Variants in NRG3 observed in about 807,000 individuals in gnomAD.
The protein encoded by NRG3 is neuregulin 3.
A neutral mutation model predicts 66.9 loss-of-function variants in NRG3; 31 were observed. The observed-to-expected ratio is 0.46, with a 90% CI of 0.35 to 0.63. The LOEUF (loss-of-function observed/expected upper bound fraction) is 0.63, where lower values mean the gene tolerates loss of function less well. Among genes scored for constraint, NRG3 ranks in the 20% least tolerant of loss-of-function variants. The probability of loss-of-function intolerance (pLI) is 0.00; values close to 1 mark genes in which losing one functional copy is unlikely to be tolerated. For missense variants in NRG3, 910 were observed against 878.9 expected, an observed-to-expected ratio of 1.04 and a Z score of -0.45; for synonymous variants, 393 against 359.4, an observed-to-expected ratio of 1.09 and a Z score of -1.06.
intron 1 of NRG3, among the ~76,000 whole-genome samples, chr10:82,080,491 C>A (rs557380832): frequency 6.6e-6 from 1 of 152,206 alleles, no homozygotes; most frequent in African/African-American, 2.4e-5. Flanking sequence ...TGTGGCAGAG[C>A]CAAGACCCTT....
chr10:82,237,649 A>C (rs1304635002), intron 1 of NRG3, among the ~76,000 whole-genome samples: 2 of 152,108 alleles, frequency 1.3e-5, no homozygotes. Flanking sequence ...CAATGATTTT[A>C]GGCAAATTTA....
chr10:82,087,701 A>T (rs2065807106), intron 1 of NRG3, among the ~76,000 whole-genome samples: 2 of 152,164 alleles, frequency 1.3e-5, no homozygotes, highest in African/African-American at 2.4e-5. Context: ...TTCACCAGGG[A>T]AATTATGAAA....
At chr10:81,915,341 C>G (rs895746395) in intron 1 of NRG3, among the ~76,000 whole-genome samples, 1 of 152,042 alleles carries the variant, frequency 6.6e-6, no homozygotes, top group Non-Finnish European at 1.5e-5. Context: ...GGTCAGCTGC[C>G]TTGGAGAGGC....
chr10:82,314,669 G>T (rs933823464), intron 1 of NRG3, among the ~76,000 whole-genome samples: 1 of 152,012 alleles, frequency 6.6e-6, no homozygotes, highest in African/African-American at 2.4e-5. Flanking sequence ...AATTAGCCGG[G>T]CATGGTGGCG....
At chr10:82,007,729 A>G (rs1371259529) in intron 1 of NRG3, among the ~76,000 whole-genome samples, 1 of 152,172 alleles carries the variant, frequency 6.6e-6, no homozygotes, top group African/African-American at 2.4e-5. Flanking sequence ...GATATTTTCA[A>G]TACAATGAAG....
intron 1 of NRG3, chr10:82,232,806 G>A (rs1449913089): frequency 2.8e-6 from 2 of 717,374 alleles, no homozygotes; most frequent in Non-Finnish European, 5.2e-6. Flanking sequence ...TCAGGAGGCA[G>A]AAACAGGAGC....
chr10:82,603,948 A>G (rs187366078), intron 2 of NRG3, among the ~76,000 whole-genome samples: 36 of 152,328 alleles, frequency 2.4e-4, no homozygotes, highest in Admixed American at 1.0e-3. Context: ...AAACATAAAG[A>G]GTTTTCATAT....
chr10:81,944,495 T>A (rs1014602584), intron 1 of NRG3, among the ~76,000 whole-genome samples: 2 of 152,126 alleles, frequency 1.3e-5, no homozygotes, highest in African/African-American at 4.8e-5. Flanking sequence ...AACTGAAAAA[T>A]TTTAGTATAC....
rs2068008120 is a variant in NRG3 at position 82,120,394 on chromosome 10, C to T, written c.824-238345C>T. Reference sequence around the variant, plus strand: ...TTTAAAATCAATAGTAATATTTAACCTATATTTTACAAAAAAGAAATACAT... The same window carrying T: ...TTTAAAATCAATAGTAATATTTAACTTATATTTTACAAAAAAGAAATACAT... On this transcript the variant is annotated intron_variant, in intron 1 of 8. Coordinates refer to ENST00000372141, the MANE Select transcript of NRG3 (RefSeq NM_001010848.4). Among the ~76,000 whole-genome samples, 5 of 151,862 alleles carry T rather than the reference C, an allele frequency of 3.3e-5. No individual in the cohort carries two copies. In the South Asian group the frequency reaches 1.0e-3, roughly 32 times the overall value.
At chr10:82,095,925 G>T (rs2132043486) in intron 1 of NRG3, among the ~76,000 whole-genome samples, 1 of 152,304 alleles carries the variant, frequency 6.6e-6, no homozygotes, top group East Asian at 1.9e-4. Flanking sequence ...CCTTCAAAAT[G>T]TAGCTGGTAG....
chr10:82,791,881 G>C (rs974888249), intron 3 of NRG3, among the ~76,000 whole-genome samples: 1 of 152,158 alleles, frequency 6.6e-6, no homozygotes, highest in Non-Finnish European at 1.5e-5. Flanking sequence ...AAAAGTGACA[G>C]TTCTTCAGTT....
At chr10:82,874,344 T>C (rs1841611022) in intron 4 of NRG3, among the ~76,000 whole-genome samples, 1 of 151,956 alleles carries the variant, frequency 6.6e-6, no homozygotes, top group African/African-American at 2.4e-5. Context: ...CCAAATGAAT[T>C]CATATTTCTG....
At chr10:82,175,971 G>C (rs10884307) in intron 1 of NRG3, among the ~76,000 whole-genome samples, 14,336 of 152,128 alleles carry the variant, frequency 0.094, 1,099 homozygotes, top group East Asian at 0.35. Context: ...AATTTGACCA[G>C]GTTAGTCTGT....
At chr10:82,764,599 G>A (rs2059448244) in intron 3 of NRG3, among the ~76,000 whole-genome samples, 1 of 151,552 alleles carries the variant, frequency 6.6e-6, no homozygotes, top group South Asian at 2.1e-4. Context: ...CTGACCTCAG[G>A]TGATCCGCCC....
intron 4 of NRG3, among the ~76,000 whole-genome samples, chr10:82,897,962 A>G (rs2131851283): frequency 6.6e-6 from 1 of 152,202 alleles, no homozygotes; most frequent in East Asian, 1.9e-4. Flanking sequence ...CTTAGCACTT[A>G]CTATAAGGAG....
intron 1 of NRG3, among the ~76,000 whole-genome samples, chr10:82,233,297 G>A (rs752066737): frequency 5.9e-5 from 9 of 152,224 alleles, no homozygotes; most frequent in East Asian, 1.9e-4. Flanking sequence ...CCCGGGAGGC[G>A]GAGCTTGCAG....
At chr10:81,935,917 A>AC (rs1847817978) in intron 1 of NRG3, among the ~76,000 whole-genome samples, 1 of 147,222 alleles carries the variant, frequency 6.8e-6, no homozygotes, top group African/African-American at 2.6e-5. Flanking sequence ...ACACACACAC[A>AC]CACACACAGT....
chr10:82,420,226 C>T (rs1192287281), intron 2 of NRG3, among the ~76,000 whole-genome samples: 1 of 152,076 alleles, frequency 6.6e-6, no homozygotes, highest in African/African-American at 2.4e-5. Context: ...GGAAACAATC[C>T]TCAGAGATCT....
Position 81,926,016 on chromosome 10 carries a change from T to C in NRG3, c.823+49853T>C, listed in dbSNP as rs1188511874. Among the ~76,000 whole-genome samples, 4 of 152,200 alleles carry C rather than the reference T, an allele frequency of 2.6e-5. No homozygotes were observed. In the East Asian group the frequency reaches 7.7e-4, roughly 29 times the overall value. ...GCTATAGGAAAAATTGGCCGTGGCA[T>C]AGACAGCAGTAAGATTGGGATGCGA... On this transcript the variant is annotated intron_variant, in intron 1 of 8. Transcript: ENST00000372141.
Sources: allele counts gnomAD v4.1 joint callset (sites outside exome capture counted in the v4.1 genomes callset), GRCh38; gene constraint gnomAD v4.1.1; transcripts MANE v1.5; gene names NCBI Gene and HGNC (gene_info 2026-07-23, HGNC 2026-07-21).